Variants in EXTL3 observed in about 807,000 individuals in gnomAD.
The protein encoded by EXTL3 is exostosin-like 3.
EXTL3 carries 27 observed loss-of-function variants against 69.3 expected under a neutral mutation model. That is an observed-to-expected ratio of 0.39 (90% confidence interval 0.29 to 0.54). The LOEUF (loss-of-function observed/expected upper bound fraction) is 0.54. Among genes scored for constraint, EXTL3 ranks in the 20% least tolerant of loss-of-function variants. The pLI is 0.69. For synonymous variants in EXTL3, 511 were observed against 499.4 expected (o/e 1.02, Z -0.31); for missense variants, 1,003 against 1,231.8 (o/e 0.81, Z 2.78).
chr8:28,755,423 G>C lies in EXTL3; in HGVS notation c.*4557G>C, dbSNP rs979545488. The C allele has an allele frequency of 6.6e-6, 1 of 152,270 alleles. No homozygotes were observed. Among genetic ancestry groups the C allele is most frequent in the African/African-American group, 2.4e-5 (1 of 41,458 alleles). 9.4% of individuals were successfully genotyped at this position (152,270 alleles called of 1,614,324 possible). On this transcript the variant is annotated 3_prime_UTR_variant, in exon 7 of 7. Coordinates refer to ENST00000220562, the MANE Select transcript of EXTL3 (RefSeq NM_001440.4). ...TTAGAAATCACAGCTTAGGCAAATT[G>C]TTTTACCTTTCTTCATCTGTCTTGA...
intron 1 of EXTL3, among the ~76,000 whole-genome samples, chr8:28,702,113 C>T (rs1037002635): frequency 6.6e-6 from 1 of 152,220 alleles, no homozygotes; most frequent in African/African-American, 2.4e-5. Flanking sequence ...GGCGGAGGCG[C>T]AGCTCCGGAC....
rs1185232482 is a variant in EXTL3 at position 28,672,404 on chromosome 8, C to T, written c.-52-41053C>T. 2.8e-5 allele frequency among the ~76,000 whole-genome samples: 3 copies of T among 106,080 alleles called. No individual in the cohort carries two copies. In the South Asian group the frequency reaches 1.1e-3, roughly 39 times the overall value. 69.6% of individuals were successfully genotyped at this position (106,080 alleles called of 152,430 possible). On this transcript the variant is annotated intron_variant, in intron 1 of 6. Transcript: ENST00000523149. ...CTGCACTCCAGTCTGGGCAACCGAGCGAGACTCCTTCTCGGGGTGGGGGGG... is the reference window on the plus strand; with the variant it reads ...CTGCACTCCAGTCTGGGCAACCGAGTGAGACTCCTTCTCGGGGTGGGGGGG...
chr8:28,739,038 C>T (rs768957172), intron 5 of EXTL3, among the ~76,000 whole-genome samples: 16 of 152,212 alleles, frequency 1.1e-4, no homozygotes, highest in African/African-American at 1.7e-4. Context: ...TTTCCCTAGG[C>T]GTTCTGTCTC....
At chr8:28,696,576 T>G (rs192245827), upstream of EXTL3, 2 of 152,288 alleles carry the variant, frequency 1.3e-5, no homozygotes, top group East Asian at 3.9e-4. Flanking sequence ...TTTTTTTTTT[T>G]CGAGATGGAA....
chr8:28,618,265 A>T (rs1806353578), upstream of EXTL3, among the ~76,000 whole-genome samples: 1 of 152,012 alleles, frequency 6.6e-6, no homozygotes, highest in Non-Finnish European at 1.5e-5. Flanking sequence ...TCAGGAGTTC[A>T]AGACCAGCCT....
At chr8:28,689,163 G>C (rs2130673904) in intron 1 of EXTL3, among the ~76,000 whole-genome samples, 1 of 152,244 alleles carries the variant, frequency 6.6e-6, no homozygotes, top group African/African-American at 2.4e-5. Context: ...TCAGCCCCTT[G>C]CAGTCTTTTT....
In EXTL3 at chr8:28,689,236, G is replaced by C. The variant is rs1010277271; in HGVS notation, c.-52-24221G>C. Among the ~76,000 whole-genome samples, 4 of 152,266 alleles carry C rather than the reference G, an allele frequency of 2.6e-5. No homozygotes were observed. In the East Asian group the frequency reaches 5.8e-4, roughly 22 times the overall value. On this transcript the variant is annotated intron_variant, in intron 1 of 6. Transcript: ENST00000523149. Reference sequence around the variant, plus strand: ...GTGCATGTGACAGATATTACTGAAGGCTTAGGGGATTTTATATCCTTAGCA... The same window carrying C: ...GTGCATGTGACAGATATTACTGAAGCCTTAGGGGATTTTATATCCTTAGCA...
intron 1 of EXTL3, among the ~76,000 whole-genome samples, chr8:28,692,927 C>T (rs1431596221): frequency 6.6e-6 from 1 of 152,188 alleles, no homozygotes; most frequent in East Asian, 1.9e-4. Flanking sequence ...GTTCTTCCAA[C>T]AGTCAGACCA....
intron 1 of EXTL3, among the ~76,000 whole-genome samples, chr8:28,688,043 C>CA (rs1202181348): frequency 1.3e-5 from 2 of 149,742 alleles, no homozygotes; most frequent in Non-Finnish European, 3.0e-5. Flanking sequence ...GAGTGAATGA[C>CA]AGTAGAGAAG....
At chr8:28,615,852 G>A (rs1009182873) in intron 2 of EXTL3, among the ~76,000 whole-genome samples, 7 of 152,068 alleles carry the variant, frequency 4.6e-5, no homozygotes, top group Non-Finnish European at 1.0e-4. Flanking sequence ...GGGATTACAG[G>A]CTTTAGCCAC....
chr8:28,679,275 G>A (rs748111093), intron 1 of EXTL3, among the ~76,000 whole-genome samples: 32 of 152,016 alleles, frequency 2.1e-4, no homozygotes, highest in African/African-American at 7.2e-4. Context: ...GTGAAATCCC[G>A]TCTCTACTAA....
chr8:28,642,691 A>C (rs1806763715), intron 1 of EXTL3, among the ~76,000 whole-genome samples: 1 of 152,122 alleles, frequency 6.6e-6, no homozygotes. Context: ...CAATGAATTG[A>C]CCTATTCCAA....
At chr8:28,647,387 C>A (rs1438456706) in intron 1 of EXTL3, among the ~76,000 whole-genome samples, 1 of 152,032 alleles carries the variant, frequency 6.6e-6, no homozygotes, top group Admixed American at 6.6e-5. Context: ...TTACAGGCCT[C>A]AATTTAGTTC....
intron 6 of EXTL3, among the ~76,000 whole-genome samples, chr8:28,744,385 C>T (rs1471846213): frequency 6.6e-6 from 1 of 152,164 alleles, no homozygotes; most frequent in African/African-American, 2.4e-5. Flanking sequence ...CGACTGGGTG[C>T]GGTGGCTCAT....
chr8:28,704,185 C>T (rs1234879638), intron 1 of EXTL3, among the ~76,000 whole-genome samples: 1 of 152,166 alleles, frequency 6.6e-6, no homozygotes, highest in East Asian at 1.9e-4. Context: ...ACATACTTCC[C>T]TCTCCCACAG....
intron 1 of EXTL3, among the ~76,000 whole-genome samples, chr8:28,708,153 G>C (rs749228122): frequency 6.6e-6 from 1 of 152,132 alleles, no homozygotes; most frequent in Non-Finnish European, 1.5e-5. Flanking sequence ...TAATAAGGGC[G>C]GCTCAAACTC....
At chr8:28,703,980 T>C (rs1563209844) in intron 1 of EXTL3, among the ~76,000 whole-genome samples, 1 of 152,238 alleles carries the variant, frequency 6.6e-6, no homozygotes, top group African/African-American at 2.4e-5. Flanking sequence ...AGAGAGAGTT[T>C]GTGAGCTCAA....
intron 1 of EXTL3, among the ~76,000 whole-genome samples, chr8:28,627,559 A>T (rs1246074103): frequency 6.6e-6 from 1 of 152,090 alleles, no homozygotes; most frequent in African/African-American, 2.4e-5. Flanking sequence ...ACATAGAATT[A>T]TCATGTGATC....
chr8:28,719,069 G>T (rs1345407942), intron 3 of EXTL3, among the ~76,000 whole-genome samples: 5 of 152,160 alleles, frequency 3.3e-5, no homozygotes, highest in Non-Finnish European at 7.3e-5. Context: ...TGCATATGTA[G>T]TTACTTCCTG....
Sources: gnomAD v4.1 joint callset for allele counts (sites outside exome capture counted in the v4.1 genomes callset) on GRCh38, gnomAD v4.1.1 for gene constraint, MANE v1.5 for transcripts, NCBI Gene and HGNC (gene_info 2026-07-23, HGNC 2026-07-21) for gene names.